The following TECR variants were observed in gnomAD, a reference collection of about 807,000 sequenced individuals.
TECR encodes very-long-chain enoyl-CoA reductase.
A neutral mutation model predicts 50.6 loss-of-function variants in TECR; 19 were observed. That is an observed-to-expected ratio of 0.38 (90% confidence interval 0.26 to 0.55). The LOEUF is 0.55. Among genes scored for constraint, TECR ranks in the 20% least tolerant of loss-of-function variants. TECR has a pLI of 0.79. For missense variants in TECR, 313 were observed against 408.3 expected, an observed-to-expected ratio of 0.77 and a Z score of 2.01; for synonymous variants, 168 against 163.5, an observed-to-expected ratio of 1.03 and a Z score of -0.21.
chr19:14,549,868 G>A (rs1213954812), intron 1 of TECR, among the ~76,000 whole-genome samples: 6 of 151,786 alleles, frequency 4.0e-5, no homozygotes, highest in Non-Finnish European at 8.8e-5. Context: ...ACTGGAACTC[G>A]GCATGCGGAG....
intron 1 of TECR, chr19:14,561,885 C>G (rs12461318): frequency 0.39 from 61,012 of 157,710 alleles, 12,283 homozygotes; most frequent in Non-Finnish European, 0.44. Context: ...GGGATTTCTC[C>G]AAGCCCAGTG....
At chr19:14,532,771 C>A (rs1465821923) in intron 1 of TECR, among the ~76,000 whole-genome samples, 1 of 152,106 alleles carries the variant, frequency 6.6e-6, no homozygotes, top group African/African-American at 2.4e-5. Context: ...GATGCTTTCA[C>A]TCACACTTAA....
Position 14,565,126 on chromosome 19 carries a change from G to A in TECR, c.664+3G>A, listed in dbSNP as rs1425860434. 4 of 1,613,812 alleles carry A rather than the reference G, an allele frequency of 2.5e-6. No homozygotes were observed. The highest frequency in any genetic ancestry group is 2.2e-5 in the East Asian group (1 of 44,874). On this transcript the variant is annotated splice_donor_region_variant and intron_variant, in intron 10 of 12. Coordinates refer to ENST00000215567, the MANE Select transcript of TECR (RefSeq NM_138501.6). Reference sequence around the variant, plus strand: ...CCTGCGGGACCTGCGGCCCGCTGGTGAGTGCCTGCTGGGGGCAGGGGGACA... The same window carrying A: ...CCTGCGGGACCTGCGGCCCGCTGGTAAGTGCCTGCTGGGGGCAGGGGGACA...
At chr19:14,541,943 C>T (rs2146576065) in intron 1 of TECR, among the ~76,000 whole-genome samples, 1 of 152,180 alleles carries the variant, frequency 6.6e-6, no homozygotes, top group South Asian at 2.1e-4. Flanking sequence ...TGCCACCACG[C>T]CTGGCGTATT....
chr19:14,562,780 C>G (rs1002013234), intron 2 of TECR, among the ~76,000 whole-genome samples: 1 of 152,018 alleles, frequency 6.6e-6, no homozygotes, highest in Non-Finnish European at 1.5e-5. Flanking sequence ...GTGGACCCTG[C>G]GGGGATTTTG....
intron 1 of TECR, chr19:14,531,893 C>T (rs771815025): frequency 1.3e-5 from 2 of 152,058 alleles, no homozygotes; most frequent in South Asian, 2.1e-4. Context: ...ACTGTAGTCT[C>T]AGCTACTCGG....
intron 1 of TECR, among the ~76,000 whole-genome samples, chr19:14,532,953 C>CA (rs367726416): frequency 8.7e-5 from 13 of 149,854 alleles, no homozygotes; most frequent in African/African-American, 3.0e-4. Flanking sequence ...CTACTAAAAA[C>CA]AAAAAAATTA....
Position 14,529,616 on chromosome 19 carries a change from C to G in TECR, c.-81C>G, listed in dbSNP as rs776974226. 1.2e-6 allele frequency: 2 copies of G among 1,604,326 alleles called. No homozygotes were observed. Among genetic ancestry groups the G allele is most frequent in the Non-Finnish European group, 1.7e-6 (2 of 1,171,788 alleles). On this transcript the variant is annotated 5_prime_UTR_variant, in exon 1 of 13. Coordinates refer to ENST00000215567, the MANE Select transcript of TECR (RefSeq NM_138501.6). ...CGCGTTTAGTCTATCGCTGCGGTTG[C>G]GAGCGCTGTAGGGAGCCTGTGCTGT...
Position 14,563,140 on chromosome 19 carries a change from G to C in TECR, c.67-66G>C, listed in dbSNP as rs753052889. The C allele has an allele frequency of 6.2e-7, 1 of 1,611,478 alleles. No homozygotes were observed. Among genetic ancestry groups the C allele is most frequent in the Admixed American group, 1.7e-5 (1 of 59,828 alleles). On this transcript the variant is annotated intron_variant, in intron 2 of 12. Transcript: ENST00000215567. This position sits in a 1 kb window ranked among gnomAD's most constrained non-coding sequence, Gnocchi z 5.3. ...AACCCCCAGCCTGCCATCCCCTTTA[G>C]TACCTCCCCATCCTGAGTCTGGGCT...
chr19:14,562,836 C>T (rs548435005), intron 2 of TECR, among the ~76,000 whole-genome samples: 21 of 152,156 alleles, frequency 1.4e-4, no homozygotes, highest in Admixed American at 4.6e-4. Context: ...CTGCTGAGGC[C>T]GGGCCTGGGG....
chr19:14,563,205 G>A lies in TECR; in HGVS notation c.67-1G>A, dbSNP rs759847557. ...CGTCCCTGCGCCTGTGCTTCCCCCAGGTGGAGCCCCACGCCACCATTGCGG... is the reference window on the plus strand; with the variant it reads ...CGTCCCTGCGCCTGTGCTTCCCCCAAGTGGAGCCCCACGCCACCATTGCGG... On this transcript the variant is annotated splice_acceptor_variant, in intron 2 of 12. Transcript: ENST00000215567. LOFTEE classifies it high-confidence loss of function. The surrounding 1 kb of genome is among the most constrained non-coding windows in gnomAD (Gnocchi z 5.3). 1 of 1,613,858 alleles carries A rather than the reference G, an allele frequency of 6.2e-7. No homozygotes were observed. Among genetic ancestry groups the A allele is most frequent in the Non-Finnish European group, 8.5e-7 (1 of 1,179,872 alleles).
At chr19:14,543,588 G>A (rs1427106299) in intron 1 of TECR, among the ~76,000 whole-genome samples, 7 of 146,518 alleles carry the variant, frequency 4.8e-5, no homozygotes, top group African/African-American at 7.5e-5. Context: ...ACAGGCGCCC[G>A]CTACCACGCC....
At chr19:14,551,969 CTCTT>C (rs1414524860) in intron 1 of TECR, among the ~76,000 whole-genome samples, 3 of 117,312 alleles carry the variant, frequency 2.6e-5, no homozygotes, top group East Asian at 3.0e-4. Flanking sequence ...CTCTCTCTCT[CTCTT>C]TCTCTCTTTT....
chr19:14,545,194 C>G (rs1353302184), intron 1 of TECR: 3 of 456,638 alleles, frequency 6.6e-6, no homozygotes, highest in Admixed American at 4.7e-5. Flanking sequence ...AAACCTAAAG[C>G]ACTTGTCTTG....
chr19:14,528,308 T>G (rs1162699974), upstream of TECR, among the ~76,000 whole-genome samples: 1 of 151,362 alleles, frequency 6.6e-6, no homozygotes, highest in African/African-American at 2.4e-5. Flanking sequence ...GGCGAGATCT[T>G]GGCTCACTGC....
chr19:14,565,639 G>A lies in TECR; in HGVS notation c.775G>A (p.Ala259Thr), dbSNP rs1449958806. The A allele has an allele frequency of 2.5e-6, 4 of 1,612,138 alleles. No individual in the cohort carries two copies. Among genetic ancestry groups the A allele is most frequent in the African/African-American group, 2.7e-5 (2 of 74,884 alleles). ...TYEVGSWIGF[A>T]IMTQCLPVAL... ...ACAGGTGGGGTCCTGGATCGGTTTC[G>A]CCATCATGACGCAGTGTCTCCCAGG... Residue 259 changes from alanine to threonine, a missense_variant, in exon 12 of 13, where the codon GCC (alanine) becomes ACC (threonine). By Grantham distance (58) the Ala-to-Thr change is moderately conservative (BLOSUM62 0). Transcript: ENST00000215567.
upstream of TECR, among the ~76,000 whole-genome samples, chr19:14,528,486 C>A (rs922587718): frequency 6.6e-6 from 1 of 151,012 alleles, no homozygotes; most frequent in Non-Finnish European, 1.5e-5. Flanking sequence ...GATCTGCCCC[C>A]CTCGGCCTCC....
At chr19:14,565,408 T>G (rs972050433) in intron 11 of TECR, 118 bp downstream of exon 11, 55 of 1,421,882 alleles carry the variant, frequency 3.9e-5, no homozygotes, top group Non-Finnish European at 4.4e-5. Context: ...CTGCGAGCAT[T>G]GGGAGGTGGA....
chr19:14,562,381 C>T (rs1314509177), intron 1 of TECR, 144 bp from the exon 2 acceptor site: 1 of 828,058 alleles, frequency 1.2e-6, no homozygotes, highest in African/African-American at 1.7e-5. Flanking sequence ...AGTGGCAGGG[C>T]TGGTGGCAGG....
Sources: gnomAD v4.1 joint callset for allele counts (sites outside exome capture counted in the v4.1 genomes callset) on GRCh38, gnomAD v4.1.1 for gene constraint, Gnocchi (gnomAD v3.1) non-coding constraint, MANE v1.5 for transcripts, NCBI Gene and HGNC (gene_info 2026-07-23, HGNC 2026-07-21) for gene names.